Variants in GSK3B observed in about 807,000 individuals in gnomAD.
The protein encoded by GSK3B is glycogen synthase kinase 3 beta, also known as glycogen synthase kinase-3 beta.
A neutral mutation model predicts 56.4 loss-of-function variants in GSK3B; 15 were observed. The observed-to-expected ratio is 0.27, with a 90% CI of 0.18 to 0.41. GSK3B has a LOEUF of 0.41. GSK3B is among the 10% of genes least tolerant of loss of function. The probability of loss-of-function intolerance (pLI) is 1.00; values close to 1 mark genes in which losing one functional copy is unlikely to be tolerated. For synonymous variants in GSK3B, 181 were observed against 188.9 expected (o/e 0.96, Z 0.34); for missense variants, 300 against 513.4 (o/e 0.58, Z 4.02).
At chr3:119,913,661 A>C (rs77067576) in intron 5 of GSK3B, among the ~76,000 whole-genome samples, 15 of 127,068 alleles carry the variant, frequency 1.2e-4, no homozygotes, top group African/African-American at 5.2e-4. Flanking sequence ...AGTAAGTGCC[A>C]AAAAAAAAAA....
At chr3:119,949,875 TTATC>T (rs2057139194) in intron 2 of GSK3B, among the ~76,000 whole-genome samples, 1 of 152,218 alleles carries the variant, frequency 6.6e-6, no homozygotes, top group Admixed American at 6.5e-5. Flanking sequence ...GTTTCGTTTT[TTATC>T]TATTAAGTTT....
chr3:119,914,540 T>A (rs1378678251), intron 5 of GSK3B, among the ~76,000 whole-genome samples: 1 of 152,116 alleles, frequency 6.6e-6, no homozygotes, highest in Non-Finnish European at 1.5e-5. Flanking sequence ...AAAACATATC[T>A]GATTTGGGCA....
chr3:119,953,295 T>C (rs2057176386), intron 2 of GSK3B, among the ~76,000 whole-genome samples: 1 of 149,874 alleles, frequency 6.7e-6, no homozygotes, highest in Non-Finnish European at 1.5e-5. Context: ...AAATATAACA[T>C]GAGAGATATA....
chr3:120,041,695 T>C (rs2058065981), intron 1 of GSK3B, among the ~76,000 whole-genome samples: 1 of 152,236 alleles, frequency 6.6e-6, no homozygotes, highest in East Asian at 1.9e-4. Context: ...TTAGATTTAA[T>C]TGATTACCAT....
rs1397005979 is a variant in GSK3B at position 119,994,335 on chromosome 3, CTAAT to C, written c.282+7707_282+7710del. Among the ~76,000 whole-genome samples, 14 of 151,830 alleles carry C rather than the reference CTAAT, an allele frequency of 9.2e-5. No individual in the cohort carries two copies. The East Asian group carries it at 2.5e-3, about 27-fold the overall frequency. On this transcript the variant is annotated intron_variant, in intron 2 of 10. Transcript: ENST00000264235. ...TTCCTCATAATCCTTAGAGTAGAAT[CTAAT>C]TAATAAAGAAAAAAAGAATTAGAAA...
intron 9 of GSK3B, among the ~76,000 whole-genome samples, chr3:119,853,082 T>C (rs2055962038): frequency 1.3e-5 from 2 of 152,194 alleles, no homozygotes; most frequent in African/African-American, 4.8e-5. Context: ...CTTTAATCCA[T>C]CTTGAATTAA....
chr3:119,853,519 C>T (rs1196285670), intron 9 of GSK3B, among the ~76,000 whole-genome samples: 1 of 152,130 alleles, frequency 6.6e-6, no homozygotes, highest in East Asian at 1.9e-4. Context: ...GGCAGTAGGG[C>T]CATTTTCACG....
chr3:120,075,313 C>CTGAT (rs765444468), intron 1 of GSK3B, among the ~76,000 whole-genome samples: 3 of 152,048 alleles, frequency 2.0e-5, no homozygotes, highest in Non-Finnish European at 4.4e-5. Context: ...CCTCTAAGAC[C>CTGAT]TGATACAAGG....
At chr3:119,888,103 A>T (rs2056460358) in intron 7 of GSK3B, among the ~76,000 whole-genome samples, 1 of 134,462 alleles carries the variant, frequency 7.4e-6, no homozygotes, top group Admixed American at 7.3e-5. Context: ...GATTAAAGAA[A>T]GACTTCTGAA....
intron 6 of GSK3B, among the ~76,000 whole-genome samples, chr3:119,907,667 G>A (rs993713496): frequency 2.6e-5 from 4 of 152,102 alleles, no homozygotes; most frequent in African/African-American, 9.7e-5. Flanking sequence ...ATAGCATTTT[G>A]TTTCATATTT....
chr3:120,007,571 G>T (rs932821347), intron 1 of GSK3B, among the ~76,000 whole-genome samples: 2 of 152,180 alleles, frequency 1.3e-5, no homozygotes, highest in African/African-American at 4.8e-5. Flanking sequence ...TATCCACCAC[G>T]ATCAAGTCGG....
intron 6 of GSK3B, among the ~76,000 whole-genome samples, chr3:119,911,074 G>T (rs1579031): frequency 0.29 from 43,918 of 151,978 alleles, 8,226 homozygotes; most frequent in African/African-American, 0.54. Flanking sequence ...TTGTTCATGT[G>T]ATTGAGTCAC....
chr3:120,029,157 T>G, intron 1 of GSK3B: 2 of 690,534 alleles, frequency 2.9e-6, no homozygotes, highest in South Asian at 1.6e-5. Flanking sequence ...ACGGTTGGGA[T>G]AGCATAAGAT....
intron 3 of GSK3B, among the ~76,000 whole-genome samples, chr3:119,945,442 A>G (rs949776786): frequency 6.6e-6 from 1 of 152,202 alleles, no homozygotes; most frequent in Admixed American, 6.5e-5. Flanking sequence ...AACCTTTAAG[A>G]TAAGTAAGAA....
intron 7 of GSK3B, among the ~76,000 whole-genome samples, chr3:119,886,053 A>C (rs1206226459): frequency 1.3e-5 from 2 of 152,024 alleles, no homozygotes; most frequent in Admixed American, 6.6e-5. Context: ...GTGAGAACTA[A>C]TTAAAGAGTT....
intron 1 of GSK3B, among the ~76,000 whole-genome samples, chr3:120,076,188 C>A (rs192429321): frequency 1.8e-4 from 28 of 152,236 alleles, no homozygotes; most frequent in African/African-American, 6.7e-4. Flanking sequence ...CCTCATCTTA[C>A]ACCAGACACA....
At chr3:119,944,825 T>A (rs140128143) in intron 3 of GSK3B, among the ~76,000 whole-genome samples, 396 of 152,314 alleles carry the variant, frequency 2.6e-3, no homozygotes, top group African/African-American at 8.4e-3. Flanking sequence ...ACATAATGCT[T>A]CTGCTAGAAA....
intron 2 of GSK3B, among the ~76,000 whole-genome samples, chr3:119,959,050 C>G (rs1327735990): frequency 6.6e-6 from 1 of 152,190 alleles, no homozygotes; most frequent in African/African-American, 2.4e-5. Flanking sequence ...GGTTGACTCC[C>G]TCTCTCCTTG....
intron 1 of GSK3B, chr3:120,028,820 G>A (rs1207907788): frequency 2.2e-6 from 1 of 445,956 alleles, no homozygotes; most frequent in Non-Finnish European, 4.3e-6. Context: ...GCAGCTGCAA[G>A]GAACTCACTG....
Sources: gnomAD v4.1 joint callset for allele counts (sites outside exome capture counted in the v4.1 genomes callset) on GRCh38, gnomAD v4.1.1 for gene constraint, MANE v1.5 for transcripts, NCBI Gene and HGNC (gene_info 2026-07-23, HGNC 2026-07-21) for gene names.